AADAT: variants seen among roughly 807,000 people sequenced by gnomAD.
AADAT encodes aminoadipate aminotransferase.
Under a neutral mutation model 56.2 loss-of-function variants are expected in AADAT, and 25 were observed. The ratio of observed to expected loss-of-function variants is 0.44; its 90% CI spans 0.32 to 0.62. AADAT has a LOEUF of 0.62. Ranked by LOEUF, AADAT falls within the 20% of genes least tolerant of loss-of-function variation. The pLI is 0.04. For synonymous variants in AADAT, 173 were observed against 164.7 expected (o/e 1.05, Z -0.39); for missense variants, 387 against 510.5 (o/e 0.76, Z 2.33).
chr4:170,082,444 G>C (rs570415647), intron 3 of AADAT, among the ~76,000 whole-genome samples: 1 of 151,812 alleles, frequency 6.6e-6, no homozygotes, highest in Non-Finnish European at 1.5e-5. Context: ...TAAAAATAAA[G>C]AGCAACAAAT....
At chr4:170,082,722 T>C (rs573357841) in intron 3 of AADAT, among the ~76,000 whole-genome samples, 1 of 151,862 alleles carries the variant, frequency 6.6e-6, no homozygotes, top group South Asian at 2.1e-4. Flanking sequence ...AGTCTGAAAA[T>C]GAGGAGGTGG....
intron 6 of AADAT, 123 bp downstream of exon 6, chr4:170,070,464 G>C (rs573453042): frequency 4.6e-6 from 3 of 651,470 alleles, no homozygotes; most frequent in Non-Finnish European, 8.0e-6. Flanking sequence ...AATCATAATT[G>C]ATTTATTTTC....
At chr4:170,071,066 C>T (rs868559444) in intron 5 of AADAT, among the ~76,000 whole-genome samples, 2 of 152,188 alleles carry the variant, frequency 1.3e-5, no homozygotes, top group African/African-American at 2.4e-5. Flanking sequence ...GCATGCACCA[C>T]CACACCTAGC....
intron 11 of AADAT, among the ~76,000 whole-genome samples, chr4:170,064,005 G>T (rs771613994): frequency 2.0e-5 from 3 of 149,326 alleles, no homozygotes; most frequent in Non-Finnish European, 4.5e-5. Context: ...AATTTTAAGT[G>T]AAAAAAAAAT....
At chr4:170,092,588 A>G (rs1732900463), upstream of AADAT, among the ~76,000 whole-genome samples, 1 of 152,236 alleles carries the variant, frequency 6.6e-6, no homozygotes, top group Non-Finnish European at 1.5e-5. Context: ...CACAGTATCT[A>G]GTAAACCTGT....
intron 8 of AADAT, among the ~76,000 whole-genome samples, chr4:170,067,931 G>A (rs1731556840): frequency 6.6e-6 from 1 of 152,106 alleles, no homozygotes; most frequent in Non-Finnish European, 1.5e-5. Flanking sequence ...CAGAGGCCAG[G>A]AGTTAGAGAC....
At chr4:170,089,212 T>C (rs947893626) in intron 1 of AADAT, 11 of 368,432 alleles carry the variant, frequency 3.0e-5, no homozygotes, top group African/African-American at 1.7e-4. Flanking sequence ...CTCCTCCACT[T>C]AGCCCCGACC....
intron 5 of AADAT, among the ~76,000 whole-genome samples, chr4:170,072,221 G>T (rs562397032): frequency 1.3e-5 from 2 of 151,948 alleles, no homozygotes; most frequent in African/African-American, 4.8e-5. Context: ...CTGTGTGTGT[G>T]TATGTGTGTG....
At chr4:170,070,341 C>T in intron 6 of AADAT, 1 of 342,102 alleles carries the variant, frequency 2.9e-6, no homozygotes, top group Non-Finnish European at 5.3e-6. Flanking sequence ...GTATAGAAAG[C>T]CAGCTACTAT....
chr4:170,086,245 C>CAA (rs60150011), intron 3 of AADAT, among the ~76,000 whole-genome samples: 2 of 110,864 alleles, frequency 1.8e-5, no homozygotes, highest in African/African-American at 3.3e-5. Flanking sequence ...GACCCTGTCT[C>CAA]AAAAAAAAAA....
At chr4:170,091,273 A>C (rs929874249), upstream of AADAT, among the ~76,000 whole-genome samples, 29 of 152,140 alleles carry the variant, frequency 1.9e-4, no homozygotes, top group African/African-American at 6.7e-4. Flanking sequence ...GGCGCTTGCG[A>C]GCCAGCTAGA....
chr4:170,072,817 C>T (rs1254053240), intron 5 of AADAT, among the ~76,000 whole-genome samples: 2 of 151,916 alleles, frequency 1.3e-5, no homozygotes, highest in Non-Finnish European at 2.9e-5. Flanking sequence ...GACAAGTTAA[C>T]AACACAGAAA....
chr4:170,089,358 A>T, intron 1 of AADAT: 2 of 587,588 alleles, frequency 3.4e-6, no homozygotes, highest in Non-Finnish European at 6.1e-6. Context: ...CTCCCTTCCA[A>T]GGCCGTGCCC....
intron 11 of AADAT, among the ~76,000 whole-genome samples, chr4:170,062,340 C>A (rs183254348): frequency 1.3e-5 from 2 of 152,104 alleles, no homozygotes; most frequent in Admixed American, 6.6e-5. Context: ...AATGTTTAAT[C>A]TAACTAGAAA....
Position 170,069,170 on chromosome 4 carries a change from AAG to A in AADAT, c.779_780del (p.Ser260PhefsTer39). 1 of 1,613,736 alleles carries A rather than the reference AAG, an allele frequency of 6.2e-7. No homozygotes were observed. The highest frequency in any genetic ancestry group is 8.5e-7 in the Non-Finnish European group (1 of 1,179,856). ...TACCCAGAGGAAATGATTTTTGAAA[AAG>A]AGTCAGCTCTGATGACACGTCCATC... ...DVDGRVIRAD[S>X]FSKIISSGLR... On this transcript the variant is annotated frameshift_variant, in exon 7 of 13. Transcript: ENST00000337664. LOFTEE classifies it high-confidence loss of function.
In AADAT at chr4:170,089,654, C is replaced by G; in HGVS notation, c.37G>C (p.Ala13Pro). 1 of 1,614,190 alleles carries G rather than the reference C, an allele frequency of 6.2e-7. No homozygotes were observed. Among genetic ancestry groups the G allele is most frequent in the Non-Finnish European group, 8.5e-7 (1 of 1,180,024 alleles). ...GTCCGGATGGGAGAAGGGTTTCTGG[C>G]TGCGCTCGCTGCCGTGATGAACCGT... ...YARFITAASA[A>P]RNPSPIRTMT... The change falls in exon 1 of 13, where the codon GCC (alanine) becomes CCC (proline). Residue 13 changes from alanine to proline, a missense_variant. Physicochemically the swap from Ala to Pro is conservative, Grantham distance 27. Transcript: ENST00000337664.
chr4:170,069,300 A>G, intron 6 of AADAT, 70 bp from the exon 7 acceptor site: 1 of 1,249,142 alleles, frequency 8.0e-7, no homozygotes, highest in Non-Finnish European at 1.2e-6. Flanking sequence ...TATTTTGAAT[A>G]GAGAGTAGAA....
chr4:170,070,189 G>A (rs894952233), intron 6 of AADAT, among the ~76,000 whole-genome samples: 4 of 151,146 alleles, frequency 2.6e-5, no homozygotes, highest in Non-Finnish European at 4.4e-5. Flanking sequence ...CATTCTAATC[G>A]GCCACCACCA....
intron 6 of AADAT, among the ~76,000 whole-genome samples, chr4:170,070,262 G>A (rs1731694859): frequency 6.6e-6 from 1 of 151,628 alleles, no homozygotes; most frequent in Non-Finnish European, 1.5e-5. Context: ...TGTTTGAGGA[G>A]CTGTTAACTT....
Sources: allele counts gnomAD v4.1 joint callset (sites outside exome capture counted in the v4.1 genomes callset), GRCh38; gene constraint gnomAD v4.1.1; transcripts MANE v1.5; gene names NCBI Gene and HGNC (gene_info 2026-07-23, HGNC 2026-07-21).